LNX1: variants seen among roughly 807,000 people sequenced by gnomAD.
The protein encoded by LNX1 is ligand of numb-protein X 1, also known as E3 ubiquitin-protein ligase LNX.
In LNX1, 54 loss-of-function variants were observed where a neutral mutation model predicts 68.4. The observed-to-expected ratio is 0.79, with a 90% CI of 0.63 to 0.99. LNX1 has a LOEUF of 0.99. Ranked by LOEUF, LNX1 falls within the 50% of genes least tolerant of loss-of-function variation. LNX1 has a pLI of 0.00. For missense variants in LNX1, 906 were observed against 926.4 expected (o/e 0.98, Z 0.29); for synonymous variants, 336 against 350.0 (o/e 0.96, Z 0.45).
At chr4:53,613,914 C>T (rs4864476) in intron 2 of LNX1, among the ~76,000 whole-genome samples, 62,587 of 152,034 alleles carry the variant, frequency 0.41, 12,892 homozygotes, top group Admixed American at 0.45. Flanking sequence ...AACTAATTTA[C>T]ATTCCCACCA....
chr4:53,623,187 G>A (rs79272978), intron 1 of LNX1, among the ~76,000 whole-genome samples: 19,127 of 146,718 alleles, frequency 0.13, 1,289 homozygotes, highest in Non-Finnish European at 0.16. Flanking sequence ...GGATGAGAGC[G>A]TTTGCGTTGA....
intron 1 of LNX1, among the ~76,000 whole-genome samples, chr4:53,578,422 G>A (rs1731631350): frequency 6.6e-6 from 1 of 152,152 alleles, no homozygotes; most frequent in Admixed American, 6.5e-5. Flanking sequence ...GCATGTAACT[G>A]TACCAAATAC....
chr4:53,469,336 A>G (rs145929273), intron 9 of LNX1, among the ~76,000 whole-genome samples: 8 of 152,232 alleles, frequency 5.3e-5, no homozygotes, highest in Admixed American at 4.6e-4. Flanking sequence ...GACACATTCA[A>G]AGCAGTGTGT....
Position 53,561,165 on chromosome 4 carries a change from T to C in LNX1, c.380+12458A>G, listed in dbSNP as rs145708153. ...CACAATTATTATGAGATGCTTAGTC[T>C]GGCTAAAATGACCAGCAAGACTAAT... On this transcript the variant is annotated intron_variant, in intron 2 of 10. Transcript: ENST00000263925. 3.9e-3 allele frequency among the ~76,000 whole-genome samples: 595 copies of C among 152,350 alleles called. 5 individuals carry two copies. Among genetic ancestry groups the C allele is most frequent in the African/African-American group, 0.014 (562 of 41,588 alleles).
At chr4:53,504,420 C>T (rs1260267501) in intron 4 of LNX1, among the ~76,000 whole-genome samples, 1 of 152,216 alleles carries the variant, frequency 6.6e-6, no homozygotes, top group Non-Finnish European at 1.5e-5. Context: ...AAGTTAGGAC[C>T]TTCCTCTGGA....
At chr4:53,550,157 A>G (rs529225370) in intron 2 of LNX1, among the ~76,000 whole-genome samples, 3 of 152,244 alleles carry the variant, frequency 2.0e-5, no homozygotes, top group Non-Finnish European at 4.4e-5. Flanking sequence ...GGTGAGTTCA[A>G]TGTAAATGAA....
At chr4:53,562,952 C>T (rs78249784) in intron 2 of LNX1, among the ~76,000 whole-genome samples, 2,097 of 152,194 alleles carry the variant, frequency 0.014, 59 homozygotes, top group African/African-American at 0.048. Context: ...GGCTCAAGCC[C>T]GTAATCCCAG....
intron 9 of LNX1, among the ~76,000 whole-genome samples, chr4:53,468,205 A>C (rs1180901062): frequency 6.6e-6 from 1 of 152,232 alleles, no homozygotes; most frequent in Non-Finnish European, 1.5e-5. Context: ...TTAAAAGAAA[A>C]GAATTTTCAA....
At chr4:53,533,919 G>A (rs994655976) in intron 2 of LNX1, among the ~76,000 whole-genome samples, 1 of 152,224 alleles carries the variant, frequency 6.6e-6, no homozygotes, top group Non-Finnish European at 1.5e-5. Context: ...TCCAGTGCAC[G>A]CTAAGGTTTG....
chr4:53,472,624 AT>A (rs1475952638), intron 9 of LNX1, among the ~76,000 whole-genome samples: 1 of 144,400 alleles, frequency 6.9e-6, no homozygotes, highest in Non-Finnish European at 1.5e-5. Context: ...ACAAATTTTG[AT>A]TTTCTGTATT....
At chr4:53,609,622 A>G (rs1431935801) in intron 2 of LNX1, among the ~76,000 whole-genome samples, 1 of 145,952 alleles carries the variant, frequency 6.9e-6, no homozygotes, top group Non-Finnish European at 1.5e-5. Flanking sequence ...ATATGTTATA[A>G]ATAGTATATA....
intron 1 of LNX1, among the ~76,000 whole-genome samples, chr4:53,647,325 C>G (rs764480110): frequency 2.6e-5 from 4 of 152,196 alleles, no homozygotes; most frequent in African/African-American, 4.8e-5. Flanking sequence ...CAGAGTGTCT[C>G]TTTTATTTCT....
At chr4:53,591,509 C>T (rs1577770998), upstream of LNX1, 1 of 985,526 alleles carries the variant, frequency 1.0e-6, no homozygotes, top group Non-Finnish European at 1.2e-6. Context: ...CTTCGGTGAA[C>T]AGGTGCCTGG....
intron 2 of LNX1, chr4:53,616,386 C>T (rs1281783959): frequency 1.3e-5 from 2 of 152,216 alleles, no homozygotes; most frequent in East Asian, 1.9e-4. Flanking sequence ...CCTGGGTCAG[C>T]AGCACATGAT....
chr4:53,484,578 A>C (rs1724163339), intron 6 of LNX1, among the ~76,000 whole-genome samples: 1 of 152,082 alleles, frequency 6.6e-6, no homozygotes, highest in Admixed American at 6.6e-5. Flanking sequence ...AAGAAAAAAA[A>C]AATCTTTAGT....
chr4:53,647,842 T>A (rs1217780463), intron 1 of LNX1, among the ~76,000 whole-genome samples: 1 of 152,260 alleles, frequency 6.6e-6, no homozygotes, highest in Non-Finnish European at 1.5e-5. Context: ...AAGTACCGCA[T>A]GTAAGTGGAA....
rs534045544 is a variant in LNX1 at position 53,518,958 on chromosome 4, G to T, written c.381-10731C>A. 5.3e-5 allele frequency among the ~76,000 whole-genome samples: 8 copies of T among 152,318 alleles called. No homozygotes were observed. In the South Asian group the frequency reaches 6.2e-4, roughly 12 times the overall value. On this transcript the variant is annotated intron_variant, in intron 2 of 10. Coordinates refer to ENST00000263925, the MANE Select transcript of LNX1 (RefSeq NM_001126328.3). ...AAGTGAGTCTGTCATAACGGGGTTG[G>T]CATCTTCAGCCTGGAGTTGACAGGC...
intron 2 of LNX1, 195 bp from the exon 3 acceptor site, chr4:53,508,422 T>A: frequency 1.6e-6 from 1 of 622,654 alleles, no homozygotes; most frequent in Non-Finnish European, 2.6e-6. Flanking sequence ...AGTGAATTCA[T>A]AATTTGAGAT....
chr4:53,505,327 T>C (rs1465517418), intron 4 of LNX1, among the ~76,000 whole-genome samples: 1 of 151,990 alleles, frequency 6.6e-6, no homozygotes, highest in Admixed American at 6.6e-5. Context: ...CTCAGCTCAC[T>C]GCAGCCTCTG....
Sources: gnomAD v4.1 joint callset for allele counts (sites outside exome capture counted in the v4.1 genomes callset) on GRCh38, gnomAD v4.1.1 for gene constraint, MANE v1.5 for transcripts, NCBI Gene and HGNC (gene_info 2026-07-23, HGNC 2026-07-21) for gene names.